RNF152: variants seen among roughly 807,000 people sequenced by gnomAD.
RNF152 encodes the protein E3 ubiquitin-protein ligase RNF152.
A neutral mutation model predicts 12.7 loss-of-function variants in RNF152; 11 were observed. The observed-to-expected ratio is 0.86, with a 90% CI of 0.54 to 1.43. The LOEUF is 1.43. Ranked by LOEUF, RNF152 falls within the 40% of genes most tolerant of loss-of-function variation. RNF152 has a pLI of 0.00. For missense variants in RNF152, 255 were observed against 274.8 expected (o/e 0.93, Z 0.51); for synonymous variants, 113 against 120.3 (o/e 0.94, Z 0.40).
At chr18:61,827,736 G>A (rs1391680732) in intron 1 of RNF152, among the ~76,000 whole-genome samples, 1 of 152,170 alleles carries the variant, frequency 6.6e-6, no homozygotes, top group African/African-American at 2.4e-5. Flanking sequence ...CACTGAAGTT[G>A]CAAAGAATTC....
intron 1 of RNF152, among the ~76,000 whole-genome samples, chr18:61,871,610 T>C (rs1369844857): frequency 6.6e-6 from 1 of 152,158 alleles, no homozygotes; most frequent in Non-Finnish European, 1.5e-5. Context: ...GACTCTCTAA[T>C]GGTAAAACCA....
At chr18:61,820,391 T>C (rs1345235860) in intron 1 of RNF152, among the ~76,000 whole-genome samples, 1 of 145,460 alleles carries the variant, frequency 6.9e-6, no homozygotes, top group African/African-American at 2.5e-5. Flanking sequence ...TAATTTTATA[T>C]CCAAGGTAAT....
At chr18:61,868,073 T>C (rs1241600778) in intron 1 of RNF152, among the ~76,000 whole-genome samples, 2 of 152,176 alleles carry the variant, frequency 1.3e-5, no homozygotes, top group African/African-American at 2.4e-5. Context: ...TCTGAGGAGA[T>C]TCATGGTAAT....
intron 1 of RNF152, among the ~76,000 whole-genome samples, chr18:61,867,436 A>G (rs1358036513): frequency 6.6e-6 from 1 of 151,850 alleles, no homozygotes; most frequent in Non-Finnish European, 1.5e-5. Flanking sequence ...TGGGCGACAG[A>G]GTGAGACACC....
At chr18:61,879,165 T>C (rs2144753032) in intron 1 of RNF152, among the ~76,000 whole-genome samples, 1 of 152,330 alleles carries the variant, frequency 6.6e-6, no homozygotes, top group East Asian at 1.9e-4. Context: ...AAAATAATAC[T>C]AAATGGTTAC....
intron 1 of RNF152, among the ~76,000 whole-genome samples, chr18:61,840,962 C>T (rs184593774): frequency 2.4e-4 from 36 of 152,288 alleles, no homozygotes; most frequent in Non-Finnish European, 5.0e-4. Context: ...CTTCCATCTC[C>T]AGAAGCACCT....
chr18:61,826,452 T>C (rs1599268379), intron 1 of RNF152, among the ~76,000 whole-genome samples: 1 of 152,210 alleles, frequency 6.6e-6, no homozygotes, highest in East Asian at 1.9e-4. Context: ...TTCCTAAAGA[T>C]ACCTATTTGT....
intron 1 of RNF152, among the ~76,000 whole-genome samples, chr18:61,880,908 GTTTTC>G (rs892334662): frequency 4.3e-5 from 6 of 139,476 alleles, no homozygotes; most frequent in Non-Finnish European, 9.2e-5. Context: ...TCTCTCTCTA[GTTTTC>G]TTTTTTTTTT....
At position 61,808,387 on chromosome 18, in the gene RNF152, T is replaced by TAAAAAAAAAAAA. The variant is rs34966668; in HGVS notation, c.*7453_*7464dup. 20 of 50,792 alleles carry TAAAAAAAAAAAA rather than the reference T, an allele frequency of 3.9e-4. No individual in the cohort carries two copies. The highest frequency in any genetic ancestry group is 1.3e-3 in the African/African-American group (18 of 14,112). The allele number at this position is 50,792 out of a possible 1,614,324, so 3.1% of individuals were successfully genotyped here. ...TTTATCTGTAGGGCTATTTGGCCCT[T>TAAAAAAAAAAAA]AAAAAAAAAAAAAAAAAAAAAAAAA... On this transcript the variant is annotated 3_prime_UTR_variant, in exon 2 of 2. Transcript: ENST00000312828.
intron 1 of RNF152, among the ~76,000 whole-genome samples, chr18:61,882,627 G>A (rs1912511131): frequency 6.6e-6 from 1 of 152,196 alleles, no homozygotes; most frequent in African/African-American, 2.4e-5. Context: ...AAGAACTGGT[G>A]GCTTGGCTAA....
At chr18:61,884,556 T>G (rs2144764472) in intron 1 of RNF152, among the ~76,000 whole-genome samples, 1 of 152,170 alleles carries the variant, frequency 6.6e-6, no homozygotes. Flanking sequence ...GCATTCAACA[T>G]TCTTTTGTTT....
At position 61,813,278 on chromosome 18, in the gene RNF152, TCACA is replaced by T. The variant is rs58772361; in HGVS notation, c.*2570_*2573del. Reference sequence around the variant, plus strand: ...GAGATTCTCTCTCTCTCTCTCTCTCTCACACACACACACACACACACACACACAC... The same window carrying T: ...GAGATTCTCTCTCTCTCTCTCTCTCTCACACACACACACACACACACACAC... On this transcript the variant is annotated 3_prime_UTR_variant, in exon 2 of 2. Transcript: ENST00000312828. 13,202 of 116,792 alleles carry T rather than the reference TCACA, an allele frequency of 0.11. 692 individuals carry two copies. The highest frequency in any genetic ancestry group is 0.15 in the African/African-American group (4,947 of 32,282). 7.2% of individuals were successfully genotyped at this position (116,792 alleles called of 1,614,324 possible).
intron 1 of RNF152, among the ~76,000 whole-genome samples, chr18:61,851,476 GC>G (rs1910975466): frequency 6.6e-6 from 1 of 152,152 alleles, no homozygotes; most frequent in Admixed American, 6.5e-5. Context: ...CAGGAACTGT[GC>G]CCAGTTTTCT....
At chr18:61,860,287 A>G (rs530849511) in intron 1 of RNF152, among the ~76,000 whole-genome samples, 1 of 152,314 alleles carries the variant, frequency 6.6e-6, no homozygotes, top group South Asian at 2.1e-4. Flanking sequence ...AAACTCATCT[A>G]AGGGGGAAGC....
chr18:61,832,748 G>A (rs532434067), intron 1 of RNF152, among the ~76,000 whole-genome samples: 1 of 152,264 alleles, frequency 6.6e-6, no homozygotes, highest in South Asian at 2.1e-4. Flanking sequence ...AAATAAAATC[G>A]ACAGGATTTT....
intron 1 of RNF152, chr18:61,890,607 G>A (rs907061692): frequency 3.9e-5 from 6 of 152,158 alleles, no homozygotes; most frequent in African/African-American, 1.2e-4. Context: ...CTATCTTGCT[G>A]GTACGTCACT....
intron 1 of RNF152, among the ~76,000 whole-genome samples, chr18:61,881,768 G>T (rs1270720148): frequency 6.6e-6 from 1 of 152,104 alleles, no homozygotes; most frequent in Non-Finnish European, 1.5e-5. Flanking sequence ...CAAAGAGAGG[G>T]TTTAGCATCT....
chr18:61,859,301 G>A lies in RNF152; in HGVS notation c.-136+33494C>T, dbSNP rs78194954. 3.3e-5 allele frequency among the ~76,000 whole-genome samples: 5 copies of A among 152,348 alleles called. No individual in the cohort carries two copies. In the East Asian group the frequency reaches 9.6e-4, roughly 29 times the overall value. On this transcript the variant is annotated intron_variant, in intron 1 of 1. Transcript: ENST00000312828. ...AGGCTTAGTTGACTGAAGTGAAACA[G>A]GCAACAGAGCGTGAGAGGGCTGTTG...
intron 1 of RNF152, among the ~76,000 whole-genome samples, chr18:61,839,853 C>T (rs1009605139): frequency 6.6e-6 from 1 of 152,176 alleles, no homozygotes; most frequent in Admixed American, 6.5e-5. Context: ...CGAGATCGTG[C>T]CTGTGTGCTT....
Sources: allele counts gnomAD v4.1 joint callset (sites outside exome capture counted in the v4.1 genomes callset), GRCh38; gene constraint gnomAD v4.1.1; transcripts MANE v1.5; gene names NCBI Gene and HGNC (gene_info 2026-07-23, HGNC 2026-07-21).